Variants in HPSE2 observed in about 807,000 individuals in gnomAD.
The protein encoded by HPSE2 is heparanase 2 (inactive).
In HPSE2, 38 loss-of-function variants were observed where a neutral mutation model predicts 60.5. That is an observed-to-expected ratio of 0.63 (90% CI 0.48 to 0.82). The LOEUF is 0.82. Ranked by LOEUF, HPSE2 falls within the 40% of genes least tolerant of loss-of-function variation. HPSE2 has a pLI of 0.00. For synonymous variants in HPSE2, 295 were observed against 293.2 expected (o/e 1.01, Z -0.06); for missense variants, 713 against 740.4 (o/e 0.96, Z 0.43).
At chr10:98,771,251 G>C (rs549739975) in intron 3 of HPSE2, among the ~76,000 whole-genome samples, 1 of 152,126 alleles carries the variant, frequency 6.6e-6, no homozygotes, top group Non-Finnish European at 1.5e-5. Context: ...AGAGATGTTT[G>C]AATACTCAAT....
chr10:99,133,189 T>C (rs919882233), intron 3 of HPSE2, among the ~76,000 whole-genome samples: 1 of 152,220 alleles, frequency 6.6e-6, no homozygotes, highest in African/African-American at 2.4e-5. Context: ...GACTGCCAGA[T>C]TTCCCTTCTC....
intron 9 of HPSE2, among the ~76,000 whole-genome samples, chr10:98,541,426 G>A (rs1218864617): frequency 6.6e-6 from 1 of 152,192 alleles, no homozygotes; most frequent in Non-Finnish European, 1.5e-5. Context: ...TCCATCTGAG[G>A]TACCGGGTTC....
chr10:98,863,368 T>C (rs1431056954), intron 3 of HPSE2, among the ~76,000 whole-genome samples: 1 of 152,136 alleles, frequency 6.6e-6, no homozygotes, highest in Non-Finnish European at 1.5e-5. Flanking sequence ...TCTGTATGTA[T>C]CTGTGTGTCT....
chr10:98,537,333 T>C (rs149355297), intron 9 of HPSE2, among the ~76,000 whole-genome samples: 113 of 152,262 alleles, frequency 7.4e-4, no homozygotes, highest in African/African-American at 2.5e-3. Context: ...AAGACATATG[T>C]ATTTGTGAGT....
intron 3 of HPSE2, among the ~76,000 whole-genome samples, chr10:99,062,249 T>G (rs1195851045): frequency 1.3e-5 from 2 of 152,176 alleles, no homozygotes; most frequent in Admixed American, 6.5e-5. Flanking sequence ...AGATTTCAGA[T>G]TGGCTAGGAG....
chr10:99,269,057 T>G, the HPSE2 span, among the ~76,000 whole-genome samples: 1 of 151,020 alleles, frequency 6.6e-6, no homozygotes, highest in Non-Finnish European at 1.5e-5. Context: ...TACTTGAGGG[T>G]CCAAGGCAGG....
At chr10:98,752,409 T>C (rs921333000) in intron 3 of HPSE2, among the ~76,000 whole-genome samples, 4 of 152,150 alleles carry the variant, frequency 2.6e-5, no homozygotes, top group Non-Finnish European at 5.9e-5. Context: ...GTTTTAACAT[T>C]AGACTATATA....
chr10:98,507,741 T>C (rs10736130), intron 9 of HPSE2, among the ~76,000 whole-genome samples: 128,509 of 152,048 alleles, frequency 0.85, 55,994 homozygotes, highest in East Asian at 0.96. Context: ...GCTCACCTCC[T>C]TCCTCCCTTT....
At chr10:99,010,985 T>C (rs962568221) in intron 3 of HPSE2, among the ~76,000 whole-genome samples, 3 of 140,004 alleles carry the variant, frequency 2.1e-5, no homozygotes, top group African/African-American at 8.0e-5. Flanking sequence ...ATCAGTTATA[T>C]TTCCTGATCC....
chr10:99,142,131 G>A (rs1164574156), intron 3 of HPSE2, among the ~76,000 whole-genome samples: 1 of 152,184 alleles, frequency 6.6e-6, no homozygotes, highest in Non-Finnish European at 1.5e-5. Flanking sequence ...CCTGGACTAT[G>A]TGTTCTGAAT....
intron 9 of HPSE2, among the ~76,000 whole-genome samples, chr10:98,613,391 C>A (rs948420660): frequency 6.6e-6 from 1 of 152,154 alleles, no homozygotes; most frequent in Admixed American, 6.5e-5. Flanking sequence ...TACACTAGTC[C>A]GGCAAATGTA....
intron 9 of HPSE2, among the ~76,000 whole-genome samples, chr10:98,578,876 T>C (rs1316689506): frequency 6.6e-6 from 1 of 152,262 alleles, no homozygotes; most frequent in South Asian, 2.1e-4. Context: ...CAAAGCTCAG[T>C]TACCCCTTAA....
chr10:99,172,199 A>G (rs1209277259), intron 2 of HPSE2, among the ~76,000 whole-genome samples: 1 of 152,136 alleles, frequency 6.6e-6, no homozygotes, highest in Non-Finnish European at 1.5e-5. Flanking sequence ...TCTCTCACCC[A>G]TTAGTCCCCA....
chr10:98,583,571 A>C (rs1327723015), intron 9 of HPSE2, among the ~76,000 whole-genome samples: 1 of 152,224 alleles, frequency 6.6e-6, no homozygotes, highest in East Asian at 1.9e-4. Context: ...ACTTTATTTC[A>C]AAATAACGTA....
intron 3 of HPSE2, among the ~76,000 whole-genome samples, chr10:98,969,120 T>C (rs746052721): frequency 1.3e-5 from 2 of 152,146 alleles, no homozygotes; most frequent in Non-Finnish European, 2.9e-5. Context: ...AACAAAATGA[T>C]TATCTGTAAT....
At chr10:99,145,251 T>G (rs1846007236) in intron 2 of HPSE2, among the ~76,000 whole-genome samples, 1 of 152,084 alleles carries the variant, frequency 6.6e-6, no homozygotes, top group Non-Finnish European at 1.5e-5. Flanking sequence ...TGTCAGGAGT[T>G]CAAGACCAGT....
At chr10:98,868,680 T>C (rs1281338244) in intron 3 of HPSE2, among the ~76,000 whole-genome samples, 2 of 152,110 alleles carry the variant, frequency 1.3e-5, no homozygotes, top group Non-Finnish European at 2.9e-5. Flanking sequence ...ATATGAATGC[T>C]CAGCACATTA....
chr10:99,067,444 AT>A (rs1842651849), intron 3 of HPSE2, among the ~76,000 whole-genome samples: 1 of 152,168 alleles, frequency 6.6e-6, no homozygotes, highest in African/African-American at 2.4e-5. Context: ...CTGCCTGGAC[AT>A]CCAGGCCTTT....
At chr10:98,729,536 T>C (rs978117424) in intron 4 of HPSE2, among the ~76,000 whole-genome samples, 3 of 151,952 alleles carry the variant, frequency 2.0e-5, no homozygotes, top group African/African-American at 7.2e-5. Flanking sequence ...GTGAACCTGA[T>C]AGGTGGAGTT....
Sources: allele counts gnomAD v4.1 joint callset (sites outside exome capture counted in the v4.1 genomes callset), GRCh38; gene constraint gnomAD v4.1.1; transcripts MANE v1.5; gene names NCBI Gene and HGNC (gene_info 2026-07-23, HGNC 2026-07-21).